The following MAP2K1 variants were observed in gnomAD, a reference collection of about 807,000 sequenced individuals.
MAP2K1 encodes the protein mitogen-activated protein kinase kinase 1, also known as dual specificity mitogen-activated protein kinase kinase 1.
Under a neutral mutation model 46.3 loss-of-function variants are expected in MAP2K1, and 16 were observed. The ratio of observed to expected loss-of-function variants is 0.35; its 90% CI spans 0.23 to 0.52. The LOEUF (loss-of-function observed/expected upper bound fraction) is 0.52, where lower values mean the gene tolerates loss of function less well. Among genes scored for constraint, MAP2K1 ranks in the 20% least tolerant of loss-of-function variants. The pLI, the probability that MAP2K1 is intolerant of heterozygous loss-of-function variation, is 0.94. For synonymous variants in MAP2K1, 183 were observed against 185.6 expected, an observed-to-expected ratio of 0.99 and a Z score of 0.11; for missense variants, 263 against 497.1, an observed-to-expected ratio of 0.53 and a Z score of 4.48.
At chr15:66,421,698 G>T (rs1485622383) in intron 1 of MAP2K1, among the ~76,000 whole-genome samples, 1 of 151,416 alleles carries the variant, frequency 6.6e-6, no homozygotes, top group East Asian at 1.9e-4. Context: ...TACTTGGGAG[G>T]CTGAGGTGGG....
chr15:66,487,622 T>A (rs1454676906), intron 8 of MAP2K1, among the ~76,000 whole-genome samples: 4 of 152,088 alleles, frequency 2.6e-5, no homozygotes, highest in Non-Finnish European at 4.4e-5. Context: ...AAAAAACACA[T>A]CGCTGTCACA....
rs1164509967 is a variant in MAP2K1, at chr15:66,432,959, A to AGTGTGTGTGTGTGTGTGTGTGTGT, written c.81-2049_81-2026dup. 2.3e-3 allele frequency among the ~76,000 whole-genome samples: 302 copies of AGTGTGTGTGTGTGTGTGTGTGTGT among 131,976 alleles called. 5 individuals carry two copies. The highest frequency in any genetic ancestry group is 7.8e-3 in the Middle Eastern group (2 of 256). 86.6% of individuals were successfully genotyped at this position (131,976 alleles called of 152,430 possible). On this transcript the variant is annotated intron_variant, in intron 1 of 10. Coordinates refer to ENST00000307102, the MANE Select transcript of MAP2K1 (RefSeq NM_002755.4). ...CTCCTTCCATTCCCCCATCATGCAC[A>AGTGTGTGTGTGTGTGTGTGTGTGT]GTGTGTGTGTGTGTGTGTGTGTGTG...
At chr15:66,388,237 T>C (rs1000889808) in intron 1 of MAP2K1, among the ~76,000 whole-genome samples, 1 of 152,184 alleles carries the variant, frequency 6.6e-6, no homozygotes, top group African/African-American at 2.4e-5. Context: ...CATTAAATAA[T>C]CATGAGTCTG....
At chr15:66,440,982 A>C (rs1292342296) in intron 3 of MAP2K1, among the ~76,000 whole-genome samples, 3 of 152,202 alleles carry the variant, frequency 2.0e-5, no homozygotes, top group Non-Finnish European at 4.4e-5. Flanking sequence ...TTAATTTTAC[A>C]GATACGGTCT....
intron 5 of MAP2K1, among the ~76,000 whole-genome samples, chr15:66,474,256 T>C (rs1892705983): frequency 6.6e-6 from 1 of 152,142 alleles, no homozygotes; most frequent in Non-Finnish European, 1.5e-5. Flanking sequence ...AAATAGTTGC[T>C]TGTTAGGACC....
At chr15:66,438,259 T>G (rs556951921) in intron 3 of MAP2K1, among the ~76,000 whole-genome samples, 2 of 151,958 alleles carry the variant, frequency 1.3e-5, no homozygotes, top group East Asian at 3.9e-4. Context: ...GCTAATTTTT[T>G]TCTATCATTA....
intron 1 of MAP2K1, among the ~76,000 whole-genome samples, chr15:66,420,859 GTATATATATGTGTGTA>G (rs1224889802): frequency 3.0e-4 from 32 of 104,928 alleles, no homozygotes; most frequent in African/African-American, 9.7e-4. Context: ...ATATATGTGT[GTATATATATGTGTGTA>G]TATATATGTG....
At chr15:66,421,050 ATG>A (rs2093441294) in intron 1 of MAP2K1, among the ~76,000 whole-genome samples, 1 of 149,056 alleles carries the variant, frequency 6.7e-6, no homozygotes, top group Non-Finnish European at 1.5e-5. Flanking sequence ...TTTTATATAT[ATG>A]TACACACATA....
intron 1 of MAP2K1, among the ~76,000 whole-genome samples, chr15:66,428,651 C>A (rs2093466342): frequency 6.6e-6 from 1 of 152,056 alleles, no homozygotes; most frequent in Admixed American, 6.6e-5. Flanking sequence ...CATGGCCCAG[C>A]CAAGTTGACA....
intron 1 of MAP2K1, among the ~76,000 whole-genome samples, chr15:66,420,999 A>G (rs2093440983): frequency 1.8e-5 from 1 of 54,510 alleles, no homozygotes; most frequent in Non-Finnish European, 3.7e-5. Context: ...ACATACATAT[A>G]TACACGTGCA....
chr15:66,490,449 T>G, intron 10 of MAP2K1, 53 bp from the exon 11 acceptor site: 1 of 1,323,804 alleles, frequency 7.6e-7, no homozygotes, highest in Non-Finnish European at 1.1e-6. Flanking sequence ...CCTGGTGGGT[T>G]TTGTTTTTTT....
At chr15:66,469,472 C>T (rs1207336598) in intron 5 of MAP2K1, among the ~76,000 whole-genome samples, 34 of 76,610 alleles carry the variant, frequency 4.4e-4, no homozygotes, top group South Asian at 6.5e-4. Flanking sequence ...CTGGTGCCTC[C>T]TTTTTTTTTT....
intron 1 of MAP2K1, among the ~76,000 whole-genome samples, chr15:66,410,550 A>T (rs545754886): frequency 1.2e-4 from 18 of 152,242 alleles, no homozygotes; most frequent in Admixed American, 2.6e-4. Flanking sequence ...TTTGATATAT[A>T]ATCCAAAGGC....
chr15:66,395,120 A>G (rs2093364516), intron 1 of MAP2K1, among the ~76,000 whole-genome samples: 1 of 152,238 alleles, frequency 6.6e-6, no homozygotes, highest in Admixed American at 6.5e-5. Flanking sequence ...ATATGTTCCA[A>G]GACCCCTAGT....
intron 5 of MAP2K1, among the ~76,000 whole-genome samples, chr15:66,477,819 G>A (rs1892791688): frequency 6.6e-6 from 1 of 152,164 alleles, no homozygotes; most frequent in African/African-American, 2.4e-5. Flanking sequence ...GAGCCCCTTG[G>A]TGTGCCGCCC....
In MAP2K1 at chr15:66,387,130, C is replaced by T. The variant is rs558949572; in HGVS notation, c.-218C>T. 91 of 441,360 alleles carry T rather than the reference C, an allele frequency of 2.1e-4. No homozygotes were observed. The highest frequency in any genetic ancestry group is 1.7e-3 in the African/African-American group (83 of 47,462). 27.3% of individuals were successfully genotyped at this position (441,360 alleles called of 1,614,324 possible). A position where few individuals can be genotyped will look rare whatever the true frequency, so the allele number is the denominator to read the frequency against. On this transcript the variant is annotated 5_prime_UTR_variant, in exon 1 of 11. Coordinates refer to ENST00000307102, the MANE Select transcript of MAP2K1 (RefSeq NM_002755.4). ...CAGGGCAGCCTTTCGGCTCTCTGCG[C>T]GCGAAGCCGAGTCCCGGGCGGGTGG...
At chr15:66,433,990 C>T (rs58869046) in intron 1 of MAP2K1, among the ~76,000 whole-genome samples, 175 of 152,360 alleles carry the variant, frequency 1.1e-3, no homozygotes, top group African/African-American at 3.8e-3. Context: ...CATACCCACT[C>T]GCTTCAGCAC....
intron 4 of MAP2K1, among the ~76,000 whole-genome samples, chr15:66,444,352 G>A (rs1891804697): frequency 2.0e-5 from 3 of 151,474 alleles, no homozygotes; most frequent in Non-Finnish European, 2.9e-5. Context: ...CGACAAACAT[G>A]GAGAAACCCC....
chr15:66,465,426 G>A (rs764482631), intron 5 of MAP2K1, among the ~76,000 whole-genome samples: 69 of 152,202 alleles, frequency 4.5e-4, no homozygotes, highest in Non-Finnish European at 8.7e-4. Context: ...GGTTGGAACA[G>A]AACAGGACAG....
Sources: gnomAD v4.1 joint callset for allele counts (sites outside exome capture counted in the v4.1 genomes callset) on GRCh38, gnomAD v4.1.1 for gene constraint, MANE v1.5 for transcripts, NCBI Gene and HGNC (gene_info 2026-07-23, HGNC 2026-07-21) for gene names.